RSPH4A: variants seen among roughly 807,000 people sequenced by gnomAD.
RSPH4A encodes radial spoke head component 4A.
Under a neutral mutation model 71.0 loss-of-function variants are expected in RSPH4A, and 47 were observed. That is an observed-to-expected ratio of 0.66 (90% CI 0.52 to 0.84). RSPH4A has a LOEUF of 0.84. Among genes scored for constraint, RSPH4A ranks in the 40% least tolerant of loss-of-function variants. The probability of loss-of-function intolerance (pLI) is 0.00; values close to 1 mark genes in which losing one functional copy is unlikely to be tolerated. For synonymous variants in RSPH4A, 282 were observed against 302.3 expected (o/e 0.93, Z 0.70); for missense variants, 793 against 855.2 (o/e 0.93, Z 0.91).
Position 116,625,792 on chromosome 6 carries a change from G to T in RSPH4A, c.922-1837G>T, listed in dbSNP as rs556552810. Among the ~76,000 whole-genome samples, 14 of 152,244 alleles carry T rather than the reference G, an allele frequency of 9.2e-5. No homozygotes were observed. In the South Asian group the frequency reaches 2.9e-3, roughly 32 times the overall value. On this transcript the variant is annotated intron_variant, in intron 2 of 5. Transcript: ENST00000229554. ...TGTGAGAAACTGAGATGTCACTGGC[G>T]AAGAAAGAGTACATAGAAAAAAGAG...
At chr6:116,629,357 G>C (rs950245914) in intron 3 of RSPH4A, among the ~76,000 whole-genome samples, 1 of 152,082 alleles carries the variant, frequency 6.6e-6, no homozygotes. Context: ...GTGACTTCAA[G>C]AATTTGGCAA....
At chr6:116,618,830 G>T (rs1198468338) in intron 1 of RSPH4A, among the ~76,000 whole-genome samples, 1 of 152,188 alleles carries the variant, frequency 6.6e-6, no homozygotes, top group Non-Finnish European at 1.5e-5. Flanking sequence ...CACAGGTTGA[G>T]GGCTCAATCC....
At chr6:116,628,409 C>T in intron 3 of RSPH4A, 40 bp downstream of exon 3, 2 of 1,469,810 alleles carry the variant, frequency 1.4e-6, no homozygotes, top group Non-Finnish European at 1.9e-6. Context: ...GGTAATTAGG[C>T]AAATATTCAT....
rs753449428 is a variant in RSPH4A, at chr6:116,628,185, C to A, written c.1478C>A (p.Ala493Glu). The A allele has an allele frequency of 4.3e-6, 7 of 1,614,024 alleles. No individual in the cohort carries two copies. The highest frequency in any genetic ancestry group is 1.7e-5 in the Admixed American group (1 of 59,998). ...CGAGCACAAATTGCCCGAATTTCAG[C>A]AGGAACCCACGTCAGTCCTCTAGGA... ...YLRAQIARIS[A>E]GTHVSPLGFY... Residue 493 changes from alanine (A) to glutamate (E), a missense_variant, in exon 3 of 6, where the codon GCA becomes GAA. By Grantham distance (107) the Ala-to-Glu change is moderately radical. Coordinates refer to ENST00000229554, the MANE Select transcript of RSPH4A (RefSeq NM_001010892.3).
chr6:116,631,171 T>C (rs1775799063), intron 5 of RSPH4A, among the ~76,000 whole-genome samples: 1 of 152,190 alleles, frequency 6.6e-6, no homozygotes, highest in Non-Finnish European at 1.5e-5. Flanking sequence ...TCATCATTGA[T>C]TATTTGGGTA....
intron 1 of RSPH4A, among the ~76,000 whole-genome samples, chr6:116,618,286 A>G (rs1044496320): frequency 2.0e-5 from 3 of 152,142 alleles, no homozygotes; most frequent in African/African-American, 4.8e-5. Context: ...CTTTTCCTTC[A>G]TAGCATTTAA....
chr6:116,631,693 G>A (rs72959916), intron 5 of RSPH4A, among the ~76,000 whole-genome samples: 40 of 152,104 alleles, frequency 2.6e-4, no homozygotes, highest in African/African-American at 8.9e-4. Context: ...AGGGGCCAGC[G>A]TCCTTGACTG....
intron 1 of RSPH4A, among the ~76,000 whole-genome samples, chr6:116,621,060 T>C (rs1775597006): frequency 6.6e-6 from 1 of 152,104 alleles, no homozygotes. Context: ...GGTTTCACCA[T>C]GTTGGCCAGG....
At chr6:116,629,324 G>T (rs908940545) in intron 3 of RSPH4A, among the ~76,000 whole-genome samples, 1 of 152,030 alleles carries the variant, frequency 6.6e-6, no homozygotes, top group Non-Finnish European at 1.5e-5. Flanking sequence ...AAATATAAGT[G>T]ATAATTTAAA....
chr6:116,621,151 C>T (rs893814993), intron 1 of RSPH4A, among the ~76,000 whole-genome samples: 4 of 152,120 alleles, frequency 2.6e-5, no homozygotes, highest in Non-Finnish European at 5.9e-5. Flanking sequence ...CCACTGCTCC[C>T]GGCCTTCTCC....
Position 116,617,329 on chromosome 6 carries a change from A to T in RSPH4A, c.686+20A>T, listed in dbSNP as rs1775527172. The T allele has an allele frequency of 3.1e-6, 5 of 1,589,210 alleles. No homozygotes were observed. On this transcript the variant is annotated intron_variant, in intron 1 of 5. Transcript: ENST00000229554. ...TAATCTGTAAGTCTCAGAGGGAAAA[A>T]AGATAAATGTTTGGCAAAGCAAGAG...
rs773514393 is a variant in RSPH4A, at chr6:116,628,138, A to G, written c.1431A>G (p.Pro477=). The part of the protein sequence containing the change: ...DAPIISYPPF[P]GNESNYLRAQ... ...CCATCATAAGCTACCCACCTTTCCC[A>G]GGAAATGAGAGTAATTATTTACGAG... Residue 477 remains proline (P), a synonymous_variant, in exon 3 of 6, where the codon CCA becomes CCG. Coordinates refer to ENST00000229554, the MANE Select transcript of RSPH4A (RefSeq NM_001010892.3). 1 of 1,614,192 alleles carries G rather than the reference A, an allele frequency of 6.2e-7. No homozygotes were observed. The highest frequency in any genetic ancestry group is 1.1e-5 in the South Asian group (1 of 91,086).
intron 1 of RSPH4A, among the ~76,000 whole-genome samples, chr6:116,617,588 T>C (rs1298198225): frequency 6.6e-6 from 1 of 151,882 alleles, no homozygotes; most frequent in Non-Finnish European, 1.5e-5. Context: ...TTAGGAATTA[T>C]GGAATCTCGG....
Position 116,630,423 on chromosome 6 carries a change from T to G in RSPH4A, c.1799-12T>G. ...TAGGAATTAAGCTTTTGCATTTCTC[T>G]TTGGGTTCCAGAGATTCAGAATATA... On this transcript the variant is annotated splice_polypyrimidine_tract_variant and intron_variant, in intron 4 of 5. Coordinates refer to ENST00000229554, the MANE Select transcript of RSPH4A (RefSeq NM_001010892.3). 1 of 1,419,906 alleles carries G rather than the reference T, an allele frequency of 7.0e-7. No homozygotes were observed. The highest frequency in any genetic ancestry group is 1.0e-6 in the Non-Finnish European group (1 of 1,003,212). 88.0% of individuals were successfully genotyped at this position (1,419,906 alleles called of 1,614,324 possible). A position where few individuals can be genotyped will look rare whatever the true frequency, so the allele number is the denominator to read the frequency against.
At chr6:116,624,296 G>C (rs1005001284) in intron 2 of RSPH4A, among the ~76,000 whole-genome samples, 2 of 152,198 alleles carry the variant, frequency 1.3e-5, no homozygotes, top group Non-Finnish European at 2.9e-5. Context: ...TGGTTATGTA[G>C]CCATATCCAG....
At chr6:116,630,847 ATTTTTTTTT>A (rs10694358) in intron 5 of RSPH4A, among the ~76,000 whole-genome samples, 5 of 87,604 alleles carry the variant, frequency 5.7e-5, no homozygotes, top group Admixed American at 3.0e-4. Flanking sequence ...TAATTTTTGT[ATTTTTTTTT>A]TTTTTTTTTT....
intron 1 of RSPH4A, among the ~76,000 whole-genome samples, chr6:116,618,268 A>C: frequency 6.6e-6 from 1 of 152,190 alleles, no homozygotes; most frequent in East Asian, 1.9e-4. Context: ...ACTACTAAAA[A>C]GCTTATTCTT....
Position 116,627,708 on chromosome 6 carries a change from CAT to C in RSPH4A, c.1003_1004del (p.Tyr335ProfsTer11), listed in dbSNP as rs770000879. On this transcript the variant is annotated frameshift_variant, in exon 3 of 6. Transcript: ENST00000229554. LOFTEE classifies it high-confidence loss of function. ...GGAGTTGGTTTGGGCACAGATGAGA[CAT>C]ACCGCATATTTCTTGCCCTCAAGCA... The C allele has an allele frequency of 6.2e-7, 1 of 1,614,152 alleles. No homozygotes were observed. The highest frequency in any genetic ancestry group is 8.5e-7 in the Non-Finnish European group (1 of 1,180,006).
chr6:116,630,610 T>A, intron 5 of RSPH4A, 58 bp downstream of exon 5: 1 of 796,872 alleles, frequency 1.3e-6, no homozygotes, highest in Non-Finnish European at 2.3e-6. Context: ...CTGGAAATTA[T>A]AAATAACCAC....
Sources: gnomAD v4.1 joint callset for allele counts (sites outside exome capture counted in the v4.1 genomes callset) on GRCh38, gnomAD v4.1.1 for gene constraint, MANE v1.5 for transcripts, NCBI Gene and HGNC (gene_info 2026-07-23, HGNC 2026-07-21) for gene names.